Variants in LPIN1 observed in about 807,000 individuals in gnomAD.
LPIN1 encodes the protein phosphatidate phosphatase LPIN1.
LPIN1 carries 71 observed loss-of-function variants against 107.5 expected under a neutral mutation model. The observed-to-expected ratio is 0.66, with a 90% CI of 0.55 to 0.80. LPIN1 has a LOEUF of 0.80. Ranked by LOEUF, LPIN1 falls within the 30% of genes least tolerant of loss-of-function variation. The pLI, the probability that LPIN1 is intolerant of heterozygous loss-of-function variation, is 0.00. For missense variants in LPIN1, 1,043 were observed against 1,160.6 expected (o/e 0.90, Z 1.47); for synonymous variants, 445 against 452.6 (o/e 0.98, Z 0.21).
At chr2:11,677,559 A>T, upstream of LPIN1, 1 of 982,912 alleles carries the variant, frequency 1.0e-6, no homozygotes, top group South Asian at 1.4e-5. Context: ...CACCCAGCCC[A>T]GCCTCCCAGC....
In LPIN1 at chr2:11,741,522, G is replaced by A. The variant is rs537254557; in HGVS notation, c.9+94G>A. 33 of 1,024,562 alleles carry A rather than the reference G, an allele frequency of 3.2e-5. No individual in the cohort carries two copies. The African/African-American group carries it at 3.9e-4, about 12-fold the overall frequency. The allele number at this position is 1,024,562 out of a possible 1,614,324, so 63.5% of individuals were successfully genotyped here. The stretch of plus-strand genomic sequence containing the variant: ...TGGCAACTGCAAGGAAAAGAACTGC[G>A]TAAATTGGTTCCAAACATTGCCACT... On this transcript the variant is annotated intron_variant, in intron 2 of 21. Coordinates refer to the LPIN1 transcript ENST00000396097.
chr2:11,775,775 GTTTC>G (rs1672559751), intron 5 of LPIN1, among the ~76,000 whole-genome samples: 1 of 149,762 alleles, frequency 6.7e-6, no homozygotes. Flanking sequence ...AGATGTCTGA[GTTTC>G]TTTATTTTCT....
chr2:11,790,371 G>A (rs532652762), intron 12 of LPIN1, among the ~76,000 whole-genome samples: 1 of 152,298 alleles, frequency 6.6e-6, no homozygotes, highest in South Asian at 2.1e-4. Flanking sequence ...GGTGACTGCC[G>A]TACACATCGT....
intron 1 of LPIN1, among the ~76,000 whole-genome samples, chr2:11,760,721 G>A (rs922662062): frequency 6.6e-6 from 1 of 152,122 alleles, no homozygotes; most frequent in African/African-American, 2.4e-5. Flanking sequence ...GGGAGGGGGA[G>A]GGGGAGGTTT....
chr2:11,754,926 AT>A (rs1180456983), intron 1 of LPIN1, among the ~76,000 whole-genome samples: 1 of 151,446 alleles, frequency 6.6e-6, no homozygotes, highest in African/African-American at 2.4e-5. Context: ...GTCTTGTGAA[AT>A]TTATGCTCTG....
chr2:11,764,003 A>T (rs767395196), intron 1 of LPIN1, among the ~76,000 whole-genome samples: 1 of 136,654 alleles, frequency 7.3e-6, no homozygotes, highest in African/African-American at 3.0e-5. Context: ...ATATATATAT[A>T]TATTTGGAGA....
chr2:11,752,611 T>G lies in LPIN1; in HGVS notation c.-10+5940T>G, dbSNP rs183809066. The stretch of plus-strand genomic sequence containing the variant: ...TACGCCCGGCTAATTTTTTGTATTT[T>G]TAGTAGAGACGGGGTTTCACCGTTT... On this transcript the variant is annotated intron_variant, in intron 1 of 20. Coordinates refer to ENST00000674199, the MANE Select transcript of LPIN1 (RefSeq NM_001349206.2). 9.4e-3 allele frequency among the ~76,000 whole-genome samples: 1,411 copies of G among 150,616 alleles called. 25 individuals are homozygous for G. Among genetic ancestry groups the G allele is most frequent in the Middle Eastern group, 0.038 (11 of 292 alleles).
chr2:11,695,364 A>T (rs2148511221), intron 1 of LPIN1, among the ~76,000 whole-genome samples: 1 of 152,302 alleles, frequency 6.6e-6, no homozygotes, highest in Non-Finnish European at 1.5e-5. Flanking sequence ...TGAGTAGATG[A>T]GATCTGAATG....
intron 2 of LPIN1, among the ~76,000 whole-genome samples, chr2:11,718,058 T>C (rs1237404188): frequency 6.6e-6 from 1 of 152,164 alleles, no homozygotes; most frequent in Non-Finnish European, 1.5e-5. Context: ...CTCCAGGAGA[T>C]CTCTCTCTTC....
At chr2:11,767,435 T>C in intron 2 of LPIN1, 1 of 331,362 alleles carries the variant, frequency 3.0e-6, no homozygotes, top group South Asian at 2.8e-5. Flanking sequence ...GAGGAATCTT[T>C]CTATTAGCTT....
chr2:11,746,907 C>T (rs1036651407), intron 1 of LPIN1, among the ~76,000 whole-genome samples: 1 of 152,300 alleles, frequency 6.6e-6, no homozygotes, highest in East Asian at 1.9e-4. Flanking sequence ...GAGCATCCCT[C>T]GGGCCTGGCT....
chr2:11,711,791 A>G (rs1015582344), intron 1 of LPIN1, among the ~76,000 whole-genome samples: 2 of 152,172 alleles, frequency 1.3e-5, no homozygotes, highest in African/African-American at 4.8e-5. Flanking sequence ...CTCTGCCTCG[A>G]ATCCATCCTC....
intron 2 of LPIN1, among the ~76,000 whole-genome samples, chr2:11,717,519 T>C (rs561125756): frequency 1.3e-5 from 2 of 151,818 alleles, no homozygotes; most frequent in Non-Finnish European, 2.9e-5. Context: ...AGAATGTCCT[T>C]AAACTTTGAC....
intron 1 of LPIN1, among the ~76,000 whole-genome samples, chr2:11,762,515 C>G (rs766474408): frequency 1.3e-5 from 2 of 152,052 alleles, no homozygotes; most frequent in African/African-American, 4.8e-5. Context: ...TGGTCCAGCC[C>G]CCATCCTCCG....
chr2:11,810,029 C>T (rs1351498482), intron 17 of LPIN1, among the ~76,000 whole-genome samples: 4 of 152,086 alleles, frequency 2.6e-5, no homozygotes, highest in Non-Finnish European at 4.4e-5. Flanking sequence ...GTGGATTGCA[C>T]AAGGGTGTGT....
At chr2:11,748,417 T>C (rs1327467264) in intron 1 of LPIN1, among the ~76,000 whole-genome samples, 1 of 152,232 alleles carries the variant, frequency 6.6e-6, no homozygotes, top group African/African-American at 2.4e-5. Context: ...GGCAGAAGAC[T>C]TCAATCCTCT....
At position 11,804,525 on chromosome 2, in the gene LPIN1, T is replaced by A; in HGVS notation, c.2116T>A (p.Trp706Arg). ...RCEGTIYLWNWDDKVIISDID... is the reference protein window; with the variant it reads ...RCEGTIYLWNRDDKVIISDID... ...TGAGGGCACCATCTATCTGTGGAAC[T>A]GGGATGATAAAGTCATCATTTCTGA... The change falls in exon 16 of 21, where the codon TGG becomes AGG. Residue 706 changes from tryptophan to arginine, a missense_variant. Trp to Arg is a moderately radical substitution (Grantham distance 101). Transcript: ENST00000674199. 1 of 1,614,194 alleles carries A rather than the reference T, an allele frequency of 6.2e-7. No individual in the cohort carries two copies. The highest frequency in any genetic ancestry group is 8.5e-7 in the Non-Finnish European group (1 of 1,180,034).
At chr2:11,687,967 T>C (rs1313099522) in intron 1 of LPIN1, among the ~76,000 whole-genome samples, 2 of 152,252 alleles carry the variant, frequency 1.3e-5, no homozygotes, top group Non-Finnish European at 2.9e-5. Context: ...GCTCTGGGAC[T>C]GAAGCTGGCT....
rs572048912 is a variant in LPIN1, at chr2:11,746,901, A to G, written c.-10+230A>G. 2.6e-5 allele frequency among the ~76,000 whole-genome samples: 4 copies of G among 152,256 alleles called. No homozygotes were observed. The South Asian group carries it at 6.2e-4, about 24-fold the overall frequency. ...CGGAGGCCGGGAGGGCCTCGCGAGCATCCCTCGGGCCTGGCTTTCCTGACG... is the reference window on the plus strand; with the variant it reads ...CGGAGGCCGGGAGGGCCTCGCGAGCGTCCCTCGGGCCTGGCTTTCCTGACG... On this transcript the variant is annotated intron_variant, in intron 1 of 20. Transcript: ENST00000674199.
Sources: gnomAD v4.1 joint callset for allele counts (sites outside exome capture counted in the v4.1 genomes callset) on GRCh38, gnomAD v4.1.1 for gene constraint, MANE v1.5 for transcripts, NCBI Gene and HGNC (gene_info 2026-07-23, HGNC 2026-07-21) for gene names.